CASP8: variants seen among roughly 807,000 people sequenced by gnomAD.
CASP8 encodes caspase-8.
In CASP8, 24 loss-of-function variants were observed where a neutral mutation model predicts 46.3. That is an observed-to-expected ratio of 0.52 (90% CI 0.38 to 0.73). The LOEUF is 0.73. Ranked by LOEUF, CASP8 falls within the 30% of genes least tolerant of loss-of-function variation. The pLI is 0.00. For missense variants in CASP8, 460 were observed against 559.0 expected (o/e 0.82, Z 1.79); for synonymous variants, 188 against 200.4 (o/e 0.94, Z 0.52).
intron 2 of CASP8, chr2:201,241,692 T>TC (rs1410973306): frequency 6.6e-6 from 1 of 152,252 alleles, no homozygotes; most frequent in African/African-American, 2.4e-5. Context: ...CACTTCCAAA[T>TC]TTATTTTATG....
At chr2:201,280,704 G>C (rs1259764672) in intron 7 of CASP8, among the ~76,000 whole-genome samples, 1 of 152,236 alleles carries the variant, frequency 6.6e-6, no homozygotes, top group Non-Finnish European at 1.5e-5. Context: ...CTATGGAAGA[G>C]ACAGAGAGAT....
At chr2:201,244,829 C>A (rs1272932325) in intron 2 of CASP8, among the ~76,000 whole-genome samples, 2 of 152,126 alleles carry the variant, frequency 1.3e-5, no homozygotes, top group Admixed American at 6.5e-5. Flanking sequence ...GTGGGGGGCC[C>A]TTGTAGGGTT....
chr2:201,267,758 G>C (rs890192745), intron 2 of CASP8, among the ~76,000 whole-genome samples: 1 of 152,106 alleles, frequency 6.6e-6, no homozygotes, highest in Non-Finnish European at 1.5e-5. Flanking sequence ...TTCGTTCTGG[G>C]CCCATTTCAT....
rs1211922617 is a variant in CASP8, at chr2:201,287,682, T to C, written c.*1088T>C. On this transcript the variant is annotated 3_prime_UTR_variant, in exon 9 of 9. Coordinates refer to ENST00000673742, the MANE Select transcript of CASP8 (RefSeq NM_001372051.1). Reference sequence around the variant, plus strand: ...AGTATCTTTTTTCAAAAACATTTTTTAATAGAATAAAATATAATTTGATCT... The same window carrying C: ...AGTATCTTTTTTCAAAAACATTTTTCAATAGAATAAAATATAATTTGATCT... The C allele has an allele frequency of 6.6e-6, 1 of 152,552 alleles. No individual in the cohort carries two copies. Among genetic ancestry groups the C allele is most frequent in the East Asian group, 1.9e-4 (1 of 5,194 alleles). The allele number at this position is 152,552 out of a possible 1,614,324, so 9.4% of individuals were successfully genotyped here.
intron 7 of CASP8, among the ~76,000 whole-genome samples, chr2:201,282,895 G>C (rs1394049478): frequency 4.2e-5 from 3 of 71,770 alleles, no homozygotes; most frequent in East Asian, 4.3e-4. Context: ...AGGGGCGGCC[G>C]GGCAGAGGCG....
intron 2 of CASP8, among the ~76,000 whole-genome samples, chr2:201,267,795 T>C (rs760400010): frequency 3.9e-5 from 6 of 152,230 alleles, no homozygotes; most frequent in Admixed American, 2.6e-4. Context: ...TTGATAACTA[T>C]GGCATGTGAG....
At chr2:201,277,938 T>C (rs1386408467) in intron 7 of CASP8, 1 of 203,786 alleles carries the variant, frequency 4.9e-6, no homozygotes, top group Non-Finnish European at 1.0e-5. Context: ...TGACCTCAAG[T>C]GATCCGCCTG....
intron 2 of CASP8, among the ~76,000 whole-genome samples, chr2:201,252,285 GT>G (rs1308206347): frequency 2.0e-5 from 3 of 150,096 alleles, no homozygotes; most frequent in South Asian, 2.1e-4. Context: ...TTTTGTTTTT[GT>G]TTTTTTTTGA....
intron 2 of CASP8, among the ~76,000 whole-genome samples, chr2:201,268,942 TGTGTGTGTGTGTGTGA>T (rs1354555858): frequency 6.7e-6 from 1 of 149,098 alleles, no homozygotes; most frequent in African/African-American, 2.5e-5. Flanking sequence ...TGTGTGTGTG[TGTGTGTGTGTGTGTGA>T]GACAGTGTCT....
chr2:201,237,988 T>C (rs1946127646), intron 2 of CASP8, among the ~76,000 whole-genome samples: 1 of 152,136 alleles, frequency 6.6e-6, no homozygotes, highest in South Asian at 2.1e-4. Context: ...AGAGCAGCTG[T>C]AGGTTTCTGA....
chr2:201,287,520 G>GAT lies in CASP8; in HGVS notation c.*935_*936dup, dbSNP rs397897264. 16,294 of 154,574 alleles carry GAT rather than the reference G, an allele frequency of 0.11. 1,386 individuals carry two copies. Among genetic ancestry groups the GAT allele is most frequent in the South Asian group, 0.26 (1,294 of 4,904 alleles). 9.6% of individuals were successfully genotyped at this position (154,574 alleles called of 1,614,324 possible). A position where few individuals can be genotyped will look rare whatever the true frequency, so the allele number is the denominator to read the frequency against. On this transcript the variant is annotated 3_prime_UTR_variant, in exon 9 of 9. Transcript: ENST00000673742. ...CTTTATGCCTTCTTATTGCTTTTAT[G>GAT]ATATATATATGCTTGGCTAACTATA... is the stretch of plus-strand genomic sequence containing the variant.
At chr2:201,247,167 C>T (rs6707380) in intron 2 of CASP8, among the ~76,000 whole-genome samples, 19,686 of 120,116 alleles carry the variant, frequency 0.16, 1,447 homozygotes, top group South Asian at 0.35. Flanking sequence ...CCAGGCTGGG[C>T]GGCAGAGTGA....
At chr2:201,281,846 T>C in intron 7 of CASP8, 1 of 1,467,302 alleles carries the variant, frequency 6.8e-7, no homozygotes, top group South Asian at 1.2e-5. Flanking sequence ...TTGAGAATGT[T>C]TTTAGCTGGT....
chr2:201,271,341 T>C (rs975665540), intron 2 of CASP8, among the ~76,000 whole-genome samples, 175 bp from the exon 3 acceptor site: 4 of 152,240 alleles, frequency 2.6e-5, no homozygotes, highest in Non-Finnish European at 5.9e-5. Flanking sequence ...GAGGAGCCAG[T>C]AGACTTCTGT....
intron 2 of CASP8, chr2:201,242,999 A>G (rs1946366012): frequency 1.3e-5 from 2 of 154,126 alleles, no homozygotes; most frequent in African/African-American, 4.8e-5. Context: ...ATACTGTATG[A>G]TTCTACTTAC....
At chr2:201,257,339 G>C (rs1378756851), upstream of CASP8, among the ~76,000 whole-genome samples, 2 of 151,774 alleles carry the variant, frequency 1.3e-5, no homozygotes, top group South Asian at 4.2e-4. Context: ...AAAATTAGCC[G>C]GGGGTGGTGG....
At chr2:201,269,422 C>CGCCA (rs1186815400) in intron 2 of CASP8, 2 of 793,638 alleles carry the variant, frequency 2.5e-6, no homozygotes, top group Non-Finnish European at 4.3e-6. Context: ...TTCATTAAGG[C>CGCCA]GCCAGTTAGT....
intron 2 of CASP8, among the ~76,000 whole-genome samples, chr2:201,248,392 A>G (rs2124973883): frequency 6.6e-6 from 1 of 152,248 alleles, no homozygotes; most frequent in Middle Eastern, 3.4e-3. Context: ...GCAGCTGACA[A>G]TGGAGGCGAC....
chr2:201,261,603 C>T (rs1226387433), intron 1 of CASP8, among the ~76,000 whole-genome samples: 1 of 152,116 alleles, frequency 6.6e-6, no homozygotes, highest in African/African-American at 2.4e-5. Context: ...GCCGTGGCTG[C>T]AGCGCCCTGT....
Sources: gnomAD v4.1 joint callset for allele counts (sites outside exome capture counted in the v4.1 genomes callset) on GRCh38, gnomAD v4.1.1 for gene constraint, MANE v1.5 for transcripts, NCBI Gene and HGNC (gene_info 2026-07-23, HGNC 2026-07-21) for gene names.